The following RABGAP1L variants were observed in gnomAD, a reference collection of about 807,000 sequenced individuals.
RABGAP1L encodes the protein rab GTPase-activating protein 1-like.
In RABGAP1L, 63 loss-of-function variants were observed where a neutral mutation model predicts 137.7. The observed-to-expected ratio is 0.46, with a 90% CI of 0.37 to 0.56. RABGAP1L has a LOEUF of 0.56. RABGAP1L is among the 20% of genes least tolerant of loss of function. RABGAP1L has a pLI of 0.00. For missense variants in RABGAP1L, 1,095 were observed against 1,244.0 expected (o/e 0.88, Z 1.80); for synonymous variants, 431 against 433.7 (o/e 0.99, Z 0.08).
intron 13 of RABGAP1L, among the ~76,000 whole-genome samples, chr1:174,612,140 C>G (rs1262921118): frequency 1.3e-5 from 2 of 152,156 alleles, no homozygotes; most frequent in Non-Finnish European, 2.9e-5. Flanking sequence ...CACCTGTTTT[C>G]AAAGGGAATG....
intron 13 of RABGAP1L, among the ~76,000 whole-genome samples, chr1:174,605,541 G>T (rs1557890361): frequency 6.6e-6 from 1 of 151,856 alleles, no homozygotes; most frequent in Non-Finnish European, 1.5e-5. Context: ...ATTCTTCGAA[G>T]AAATGCTTCA....
rs576782557 is a variant in RABGAP1L at position 174,836,344 on chromosome 1, C to G, written c.2340+24384C>G. Among the ~76,000 whole-genome samples, 6 of 152,206 alleles carry G rather than the reference C, an allele frequency of 3.9e-5. No homozygotes were observed. The East Asian group carries it at 1.2e-3, about 29-fold the overall frequency. On this transcript the variant is annotated intron_variant, in intron 19 of 25. Transcript: ENST00000681986. ...GCTCCATATCAGATAATCTGTTTTTCTCTCTCCCTCTGTCTGACCCAGTAA... is the reference window on the plus strand; with the variant it reads ...GCTCCATATCAGATAATCTGTTTTTGTCTCTCCCTCTGTCTGACCCAGTAA...
At chr1:174,768,446 A>G (rs1461829277) in intron 18 of RABGAP1L, among the ~76,000 whole-genome samples, 3 of 152,198 alleles carry the variant, frequency 2.0e-5, no homozygotes, top group African/African-American at 7.2e-5. Flanking sequence ...CCAGGAGGCA[A>G]ACTGGTGGAG....
intron 11 of RABGAP1L, among the ~76,000 whole-genome samples, chr1:174,342,462 TACTTA>T (rs1682057872): frequency 6.6e-6 from 1 of 152,220 alleles, no homozygotes; most frequent in African/African-American, 2.4e-5. Context: ...GAATATCATG[TACTTA>T]ACCAAATCTT....
chr1:174,268,321 TC>T (rs1425024203), intron 7 of RABGAP1L, among the ~76,000 whole-genome samples: 1 of 151,666 alleles, frequency 6.6e-6, no homozygotes, highest in African/African-American at 2.4e-5. Flanking sequence ...TGCCTCAGCC[TC>T]CTCGGTAGCT....
intron 11 of RABGAP1L, among the ~76,000 whole-genome samples, chr1:174,352,302 G>A (rs906948696): frequency 6.6e-6 from 1 of 151,766 alleles, no homozygotes; most frequent in Non-Finnish European, 1.5e-5. Context: ...CAAATAGGCT[G>A]TCTTCAAGGT....
At position 174,833,466 on chromosome 1, in the gene RABGAP1L, A is replaced by ATAT. The variant is rs71117580; in HGVS notation, c.2340+21508_2340+21509insTTA. On this transcript the variant is annotated intron_variant, in intron 19 of 25. Transcript: ENST00000681986. ...TGTGTAGAGATATATATATATATAT[A>ATAT]TAGTAGAGACAGGGTTCTGTCATGT... 2.1e-3 allele frequency among the ~76,000 whole-genome samples: 131 copies of ATAT among 61,162 alleles called. 33 individuals are homozygous for ATAT. Among genetic ancestry groups the ATAT allele is most frequent in the Non-Finnish European group, 4.2e-3 (103 of 24,650 alleles). The allele number at this position is 61,162 out of a possible 152,430, so 40.1% of individuals were successfully genotyped here.
chr1:174,440,309 A>G (rs550565837), intron 13 of RABGAP1L, among the ~76,000 whole-genome samples: 1 of 152,322 alleles, frequency 6.6e-6, no homozygotes, highest in Admixed American at 6.5e-5. Flanking sequence ...TCTGGTTTGC[A>G]TTGTGGAAAA....
rs550181802 is a variant in RABGAP1L, at chr1:174,543,426, T to A, written c.1711-93949T>A. Among the ~76,000 whole-genome samples, 114 of 152,314 alleles carry A rather than the reference T, an allele frequency of 7.5e-4. 1 individual carries two copies. The highest frequency in any genetic ancestry group is 9.0e-4 in the Non-Finnish European group (61 of 68,028). On this transcript the variant is annotated intron_variant, in intron 13 of 25. Transcript: ENST00000681986. ...AGACTAGGATTGCAACCCCTGCTTTTTTTTGTTTTCCATTTGCTTGGCAGA... is the reference window on the plus strand; with the variant it reads ...AGACTAGGATTGCAACCCCTGCTTTATTTTGTTTTCCATTTGCTTGGCAGA...
chr1:174,852,815 C>CAA (rs71117583), intron 19 of RABGAP1L, among the ~76,000 whole-genome samples: 6,728 of 143,302 alleles, frequency 0.047, 174 homozygotes, highest in Admixed American at 0.059. Context: ...GATTTGGTCT[C>CAA]AAAAAAAAAA....
chr1:174,318,620 CTTTCTTTCTTTCTT>C (rs1357780016), intron 11 of RABGAP1L, among the ~76,000 whole-genome samples: 1 of 141,296 alleles, frequency 7.1e-6, no homozygotes, highest in African/African-American at 2.7e-5. Flanking sequence ...TTCTTTCTTT[CTTTCTTTCTTTCTT>C]TTTCTTTCTT....
At chr1:174,988,165 C>A (rs1671765547) in intron 24 of RABGAP1L, among the ~76,000 whole-genome samples, 1 of 152,198 alleles carries the variant, frequency 6.6e-6, no homozygotes, top group South Asian at 2.1e-4. Context: ...AACAACAGGA[C>A]ATGTGCTTTG....
intron 13 of RABGAP1L, among the ~76,000 whole-genome samples, chr1:174,612,104 T>A (rs1029875252): frequency 6.6e-6 from 1 of 152,040 alleles, no homozygotes; most frequent in Non-Finnish European, 1.5e-5. Flanking sequence ...TGAATAGGAG[T>A]GGTGAGAGAG....
intron 11 of RABGAP1L, among the ~76,000 whole-genome samples, chr1:174,343,495 AT>A (rs35970595): frequency 6.6e-6 from 1 of 152,104 alleles, no homozygotes; most frequent in Non-Finnish European, 1.5e-5. Context: ...TAAATATCTC[AT>A]TTTGTTTACA....
At chr1:174,327,216 C>T (rs965252668) in intron 11 of RABGAP1L, among the ~76,000 whole-genome samples, 18 of 152,014 alleles carry the variant, frequency 1.2e-4, no homozygotes, top group African/African-American at 4.1e-4. Flanking sequence ...GTTTAACCTT[C>T]GTTGTTAGGA....
At chr1:174,657,867 C>T (rs899867051) in intron 14 of RABGAP1L, among the ~76,000 whole-genome samples, 1 of 152,132 alleles carries the variant, frequency 6.6e-6, no homozygotes, top group Middle Eastern at 3.2e-3. Context: ...CAGACAGCCA[C>T]AAAATTAAAC....
chr1:174,322,190 T>G (rs2148830224), intron 11 of RABGAP1L, among the ~76,000 whole-genome samples: 1 of 152,282 alleles, frequency 6.6e-6, no homozygotes, highest in East Asian at 1.9e-4. Context: ...CTTTGCTCCT[T>G]TAGATGTTTT....
In RABGAP1L at chr1:174,319,791, C is replaced by T. The variant is rs113957795; in HGVS notation, c.1465+14664C>T. 4.6e-3 allele frequency among the ~76,000 whole-genome samples: 693 copies of T among 151,866 alleles called. 5 individuals carry two copies. The highest frequency in any genetic ancestry group is 7.1e-3 in the Non-Finnish European group (484 of 67,990). ...ATTTTGTTAATTGCTTTTATTGATA[C>T]GATCTTAGGATTTTTCTTCTTTAGC... On this transcript the variant is annotated intron_variant, in intron 11 of 25. Coordinates refer to ENST00000681986, the MANE Select transcript of RABGAP1L (RefSeq NM_001366446.1).
At chr1:174,924,224 TA>T (rs200347658) in intron 19 of RABGAP1L, among the ~76,000 whole-genome samples, 3,136 of 151,548 alleles carry the variant, frequency 0.021, 49 homozygotes, top group Middle Eastern at 0.079. Flanking sequence ...ACATCTTTAC[TA>T]AAAATACAAA....
Sources: gnomAD v4.1 joint callset for allele counts (sites outside exome capture counted in the v4.1 genomes callset) on GRCh38, gnomAD v4.1.1 for gene constraint, MANE v1.5 for transcripts, NCBI Gene and HGNC (gene_info 2026-07-23, HGNC 2026-07-21) for gene names.